ZNF30: variants seen among roughly 807,000 people sequenced by gnomAD.
ZNF30 encodes zinc finger protein 30 (KOX 28).
Under a neutral mutation model 13.2 loss-of-function variants are expected in ZNF30, and 15 were observed. That is an observed-to-expected ratio of 1.13 (90% CI 0.76 to 1.75). The LOEUF (loss-of-function observed/expected upper bound fraction) is 1.75, where lower values mean the gene tolerates loss of function less well. ZNF30 is among the 40% of genes most tolerant of loss of function. The pLI is 0.00. For missense variants in ZNF30, 726 were observed against 757.0 expected, an observed-to-expected ratio of 0.96 and a Z score of 0.48; for synonymous variants, 223 against 256.6, an observed-to-expected ratio of 0.87 and a Z score of 1.25.
intron 4 of ZNF30, among the ~76,000 whole-genome samples, chr19:34,942,845 A>G (rs1185570114): frequency 6.6e-6 from 1 of 152,236 alleles, no homozygotes; most frequent in African/African-American, 2.4e-5. Flanking sequence ...TAGAAGGAAC[A>G]ATAAAATATG....
Position 34,927,140 on chromosome 19 carries a change from C to T in ZNF30, c.-141C>T. 2.5e-6 allele frequency: 1 copy of T among 394,812 alleles called. No homozygotes were observed. The highest frequency in any genetic ancestry group is 4.5e-6 in the Non-Finnish European group (1 of 223,938). The allele number at this position is 394,812 out of a possible 1,614,324, so 24.5% of individuals were successfully genotyped here. On this transcript the variant is annotated 5_prime_UTR_variant, in exon 1 of 5. Transcript: ENST00000601142. Reference sequence around the variant, plus strand: ...AGGTTGGAGCAGCCCCGCCGGGCAACTTGAATTTCTGCAAACGAACACAGC... The same window carrying T: ...AGGTTGGAGCAGCCCCGCCGGGCAATTTGAATTTCTGCAAACGAACACAGC...
In ZNF30 at chr19:34,943,292, CTCTACATCAGAAA is replaced by C. The variant is rs2013138796; in HGVS notation, c.327_339del (p.Leu110Ter). 2 of 1,613,752 alleles carry C rather than the reference CTCTACATCAGAAA, an allele frequency of 1.2e-6. No homozygotes were observed. Among genetic ancestry groups the C allele is most frequent in the East Asian group, 4.5e-5 (2 of 44,872 alleles). On this transcript the variant is annotated frameshift_variant, in exon 5 of 5. Transcript: ENST00000601142. LOFTEE classifies it low-confidence loss of function (END_TRUNC). Reference sequence around the variant, plus strand: ...ACCTCTGAAAACTGTCCATCTTTTGCTCTACATCAGAAAATAAGTAGACAGAAACCACGTGAAT... The same window carrying C: ...ACCTCTGAAAACTGTCCATCTTTTGCATAAGTAGACAGAAACCACGTGAAT...
chr19:34,935,615 G>GTGTGGT (rs1324060628), intron 4 of ZNF30, among the ~76,000 whole-genome samples: 3 of 151,482 alleles, frequency 2.0e-5, no homozygotes, highest in Admixed American at 6.6e-5. Flanking sequence ...ACAAGTCTTA[G>GTGTGGT]CTGTAGTATT....
chr19:34,937,100 C>T (rs138402860), intron 4 of ZNF30, among the ~76,000 whole-genome samples: 1,838 of 152,118 alleles, frequency 0.012, 38 homozygotes, highest in African/African-American at 0.042. Flanking sequence ...CAACCTCTGC[C>T]TCCCTGGTTA....
Position 34,927,197 on chromosome 19 carries a change from G to C in ZNF30, c.-84G>C, listed in dbSNP as rs1247343392. 1 of 384,692 alleles carries C rather than the reference G, an allele frequency of 2.6e-6. No individual in the cohort carries two copies. 23.8% of individuals were successfully genotyped at this position (384,692 alleles called of 1,614,324 possible). A position where few individuals can be genotyped will look rare whatever the true frequency, so the allele number is the denominator to read the frequency against. On this transcript the variant is annotated 5_prime_UTR_variant, in exon 1 of 5. Coordinates refer to ENST00000601142, the MANE Select transcript of ZNF30 (RefSeq NM_194325.3). The stretch of plus-strand genomic sequence containing the variant: ...AGCTCTGCAGACCTGTGTCGGCGCG[G>C]AACCCGGACTGAGACATGCGTGAGC...
upstream of ZNF30, among the ~76,000 whole-genome samples, chr19:34,925,786 G>GCCCTTCCCTCCCCAGCACTC: frequency 2.0e-5 from 3 of 148,354 alleles, no homozygotes; most frequent in Non-Finnish European, 4.5e-5. Context: ...AAGGGACCCC[G>GCCCTTCCCTCCCCAGCACTC]CCCTTCCCTC....
chr19:34,937,425 A>G (rs77348642), intron 4 of ZNF30, among the ~76,000 whole-genome samples: 7,469 of 152,206 alleles, frequency 0.049, 269 homozygotes, highest in East Asian at 0.14. Flanking sequence ...ACAAATGAAG[A>G]AAGTGTTTCA....
In ZNF30 at chr19:34,936,491, C is replaced by T. The variant is rs544092720; in HGVS notation, c.256+2768C>T. Among the ~76,000 whole-genome samples, 14 of 152,296 alleles carry T rather than the reference C, an allele frequency of 9.2e-5. No homozygotes were observed. The East Asian group carries it at 2.3e-3, about 25-fold the overall frequency. ...TGCAGGGCAGATCTAAAGGTGTCTG[C>T]TTTCCATATGTTAAGTTGGAGATGA... On this transcript the variant is annotated intron_variant, in intron 4 of 4. Transcript: ENST00000601142.
At position 34,943,379 on chromosome 19, in the gene ZNF30, A is replaced by T. The variant is rs1318319293; in HGVS notation, c.413A>T (p.His138Leu). The change falls in exon 5 of 5, where the codon CAT becomes CTT. Residue 138 changes from histidine to leucine, a missense_variant. By Grantham distance (99) the His-to-Leu change is moderately conservative. Transcript: ENST00000601142. ...TLCQDSKPVQ[H>L]ERIHSSEKPN... ...TGTCAAGACTCAAAGCCTGTTCAAC[A>T]TGAAAGAATACATAGTAGTGAAAAA... 6.2e-7 allele frequency: 1 copy of T among 1,614,026 alleles called. No homozygotes were observed. The highest frequency in any genetic ancestry group is 1.1e-5 in the South Asian group (1 of 91,078).
rs192527733 is a variant in ZNF30 at position 34,935,025 on chromosome 19, C to T, written c.256+1302C>T. 1.6e-4 allele frequency among the ~76,000 whole-genome samples: 24 copies of T among 152,116 alleles called. No individual in the cohort carries two copies. The East Asian group carries it at 4.3e-3, about 27-fold the overall frequency. Reference sequence around the variant, plus strand: ...TGGGTGGATCAGGAGGTCAGGAGATCGAGACCATCCTGGCTAACATGGTAA... The same window carrying T: ...TGGGTGGATCAGGAGGTCAGGAGATTGAGACCATCCTGGCTAACATGGTAA... On this transcript the variant is annotated intron_variant, in intron 4 of 4. Transcript: ENST00000601142.
At chr19:34,929,057 C>T (rs1021704147) in intron 1 of ZNF30, among the ~76,000 whole-genome samples, 24 of 151,840 alleles carry the variant, frequency 1.6e-4, no homozygotes, top group African/African-American at 5.8e-4. Context: ...CTGAGGCGGG[C>T]GGATCACGAA....
chr19:34,924,268 CA>C (rs2011993768), upstream of ZNF30, among the ~76,000 whole-genome samples: 1 of 151,696 alleles, frequency 6.6e-6, no homozygotes, highest in Non-Finnish European at 1.5e-5. Flanking sequence ...AAAATCATTT[CA>C]AAAATTTTCT....
chr19:34,930,998 G>A (rs544018408), intron 2 of ZNF30, among the ~76,000 whole-genome samples: 8 of 149,928 alleles, frequency 5.3e-5, no homozygotes, highest in Admixed American at 2.7e-4. Flanking sequence ...TACAGTCTTC[G>A]TTTATAAGTA....
chr19:34,928,282 T>C (rs2012236419), intron 1 of ZNF30, among the ~76,000 whole-genome samples: 1 of 138,978 alleles, frequency 7.2e-6, no homozygotes, highest in Non-Finnish European at 1.5e-5. Context: ...GATACATAAA[T>C]TAAATTAAGT....
upstream of ZNF30, among the ~76,000 whole-genome samples, chr19:34,925,803 A>C (rs2012049926): frequency 2.8e-5 from 4 of 142,218 alleles, no homozygotes; most frequent in Non-Finnish European, 4.6e-5. Context: ...CCTCCCCAGC[A>C]CTCCCCTTCC....
Position 34,945,028 on chromosome 19 carries a change from T to A in ZNF30, c.*190T>A. 1 of 582,600 alleles carries A rather than the reference T, an allele frequency of 1.7e-6. No homozygotes were observed. The highest frequency in any genetic ancestry group is 2.8e-6 in the Non-Finnish European group (1 of 355,838). The allele number at this position is 582,600 out of a possible 1,614,324, so 36.1% of individuals were successfully genotyped here. A position where few individuals can be genotyped will look rare whatever the true frequency, so the allele number is the denominator to read the frequency against. On this transcript the variant is annotated 3_prime_UTR_variant, in exon 5 of 5. Coordinates refer to ENST00000601142, the MANE Select transcript of ZNF30 (RefSeq NM_194325.3). Reference sequence around the variant, plus strand: ...ATTTATAGGTTTGTAATACCAATATTTATACTGGTGGACCATTCAGAAAAA... The same window carrying A: ...ATTTATAGGTTTGTAATACCAATATATATACTGGTGGACCATTCAGAAAAA...
upstream of ZNF30, chr19:34,923,889 A>G (rs571709976): frequency 3.9e-5 from 6 of 152,328 alleles, no homozygotes; most frequent in South Asian, 1.2e-3. Context: ...AGATAAACGT[A>G]TGGAACTTAG....
chr19:34,934,558 C>T (rs2012623259), intron 4 of ZNF30, among the ~76,000 whole-genome samples: 1 of 152,134 alleles, frequency 6.6e-6, no homozygotes, highest in Non-Finnish European at 1.5e-5. Flanking sequence ...AGCCATCGTG[C>T]CTGGCCAGGA....
intron 4 of ZNF30, among the ~76,000 whole-genome samples, chr19:34,936,276 A>T (rs2012735929): frequency 1.3e-5 from 2 of 152,128 alleles, no homozygotes; most frequent in Non-Finnish European, 2.9e-5. Flanking sequence ...TTTGATTAGG[A>T]TGTTAATGGT....
Sources: allele counts gnomAD v4.1 joint callset (sites outside exome capture counted in the v4.1 genomes callset), GRCh38; gene constraint gnomAD v4.1.1; transcripts MANE v1.5; gene names NCBI Gene and HGNC (gene_info 2026-07-23, HGNC 2026-07-21).